The following MGA variants were observed in gnomAD, a reference collection of about 807,000 sequenced individuals.
MGA encodes the protein MAX gene-associated protein.
Under a neutral mutation model 261.1 loss-of-function variants are expected in MGA, and 40 were observed. That is an observed-to-expected ratio of 0.15 (90% CI 0.12 to 0.20). The LOEUF (loss-of-function observed/expected upper bound fraction) is 0.20, where lower values mean the gene tolerates loss of function less well. MGA is among the 10% of genes least tolerant of loss of function. The probability of loss-of-function intolerance (pLI) is 1.00; values close to 1 mark genes in which losing one functional copy is unlikely to be tolerated. For synonymous variants in MGA, 1,302 were observed against 1,290.6 expected, an observed-to-expected ratio of 1.01 and a Z score of -0.19; for missense variants, 3,397 against 3,630.5, an observed-to-expected ratio of 0.94 and a Z score of 1.65.
At chr15:41,706,965 T>C (rs2151435697) in intron 5 of MGA, among the ~76,000 whole-genome samples, 2 of 152,282 alleles carry the variant, frequency 1.3e-5, no homozygotes, top group East Asian at 3.9e-4. Flanking sequence ...TCTTAACCTA[T>C]AAATAAGGAA....
In MGA at chr15:41,699,058, G is replaced by T. The variant is rs915709037; in HGVS notation, c.2093-6G>T. The T allele has an allele frequency of 1.9e-6, 3 of 1,607,060 alleles. No individual in the cohort carries two copies. Among genetic ancestry groups the T allele is most frequent in the Admixed American group, 1.7e-5 (1 of 59,172 alleles). On this transcript the variant is annotated splice_polypyrimidine_tract_variant and splice_region_variant and intron_variant, in intron 4 of 23. Transcript: ENST00000219905. ...CTTATTTTATTACTATTTATTTTGG[G>T]TGTAGGTTACAGAGCAAGAATTTCC...
intron 2 of MGA, among the ~76,000 whole-genome samples, chr15:41,686,742 G>GT (rs2058991452): frequency 6.6e-6 from 1 of 151,996 alleles, no homozygotes; most frequent in Non-Finnish European, 1.5e-5. Flanking sequence ...AATACCATAT[G>GT]TTTTTTCTCC....
intron 2 of MGA, 65 bp from the exon 3 acceptor site, chr15:41,696,008 TTC>T: frequency 1.7e-6 from 2 of 1,176,946 alleles, no homozygotes; most frequent in African/African-American, 1.5e-5. Flanking sequence ...TTTTTTTTTT[TTC>T]TCTTCAAGTC....
At chr15:41,673,240 CAG>C (rs1281403825) in intron 2 of MGA, among the ~76,000 whole-genome samples, 10 of 151,626 alleles carry the variant, frequency 6.6e-5, no homozygotes, top group Non-Finnish European at 1.2e-4. Context: ...TTTTTTGAGA[CAG>C]AGTCTTGCCC....
At position 41,767,516 on chromosome 15, in the gene MGA, C is replaced by G. The variant is rs2063861096; in HGVS notation, c.*236C>G. The stretch of plus-strand genomic sequence containing the variant: ...GTGGTGCTGGGTCCCCTCATCCTCT[C>G]TAAGAAGATGTGATCCATTACTGAA... On this transcript the variant is annotated 3_prime_UTR_variant, in exon 24 of 24. Coordinates refer to ENST00000219905, the MANE Select transcript of MGA (RefSeq NM_001164273.2). 4 of 545,944 alleles carry G rather than the reference C, an allele frequency of 7.3e-6. No homozygotes were observed. The East Asian group carries it at 8.9e-5, about 12-fold the overall frequency. 33.8% of individuals were successfully genotyped at this position (545,944 alleles called of 1,614,324 possible). A position where few individuals can be genotyped will look rare whatever the true frequency, so the allele number is the denominator to read the frequency against.
chr15:41,713,436 G>C lies in MGA; in HGVS notation c.3370G>C (p.Gly1124Arg), dbSNP rs373831853. ...AGAGGAGGCAAGGGAGGAGGAAGAA[G>C]GAATCAGGGAGGAGGAGGAACAATT... The change falls in exon 9 of 24, where the codon GGA (glycine) becomes CGA (arginine). Residue 1124 changes from glycine (G) to arginine (R), a missense_variant. Gly to Arg is a moderately radical substitution (Grantham distance 125, BLOSUM62 -2). This residue lies in a region of MGA where 519 missense variants were observed against 554.1 expected (regional missense o/e 0.94). Coordinates refer to ENST00000219905, the MANE Select transcript of MGA (RefSeq NM_001164273.2). The C allele has an allele frequency of 3.8e-6, 6 of 1,569,166 alleles. No homozygotes were observed. In the African/African-American group the frequency reaches 8.1e-5, roughly 21 times the overall value.
chr15:41,683,419 A>T (rs2058778004), intron 2 of MGA, among the ~76,000 whole-genome samples: 1 of 151,918 alleles, frequency 6.6e-6, no homozygotes, highest in Non-Finnish European at 1.5e-5. Context: ...TTTTGTAGAT[A>T]CAAGGTCTCA....
In MGA at chr15:41,749,534, A is replaced by C; in HGVS notation, c.5927A>C (p.Asp1976Ala). Reference sequence around the variant, plus strand: ...ATGAAGAGAGAATCTCAGAATCCAGACCAGAAAGATGAAACAAACTCAATA... The same window carrying C: ...ATGAAGAGAGAATCTCAGAATCCAGCCCAGAAAGATGAAACAAACTCAATA... Residue 1976 changes from aspartate to alanine, a missense_variant, in exon 17 of 24, where the codon GAC (aspartate) becomes GCC (alanine). By Grantham distance (126) the Asp-to-Ala change is moderately radical. Around this residue, in one of 9 missense-constraint regions of MGA, gnomAD observed 1,410 missense variants for 1,386.4 expected, o/e 1.02. Transcript: ENST00000219905. 1 of 1,613,928 alleles carries C rather than the reference A, an allele frequency of 6.2e-7. No individual in the cohort carries two copies. The highest frequency in any genetic ancestry group is 2.2e-5 in the East Asian group (1 of 44,876).
At chr15:41,651,112 A>G (rs1161950504) in intron 1 of MGA, among the ~76,000 whole-genome samples, 1 of 152,000 alleles carries the variant, frequency 6.6e-6, no homozygotes. Flanking sequence ...CTTTATAACA[A>G]CCCACTCTTG....
At chr15:41,678,740 C>CTA (rs996237099) in intron 2 of MGA, among the ~76,000 whole-genome samples, 2 of 149,264 alleles carry the variant, frequency 1.3e-5, no homozygotes, top group African/African-American at 4.9e-5. Context: ...GTCCTCCAGC[C>CTA]TGGGCAGCAG....
rs755286142 is a variant in MGA, at chr15:41,748,780, C to G, written c.5356C>G (p.Arg1786Gly). 6.2e-7 allele frequency: 1 copy of G among 1,613,904 alleles called. No homozygotes were observed. Among genetic ancestry groups the G allele is most frequent in the Non-Finnish European group, 8.5e-7 (1 of 1,179,874 alleles). The change falls in exon 16 of 24, where the codon CGG becomes GGG. Residue 1786 changes from arginine (R) to glycine (G), a missense_variant. By Grantham distance (125) the Arg-to-Gly change is moderately radical. Around this residue, in one of 9 missense-constraint regions of MGA, gnomAD observed 1,410 missense variants for 1,386.4 expected, o/e 1.02. Coordinates refer to ENST00000219905, the MANE Select transcript of MGA (RefSeq NM_001164273.2). ...CTCAAACACACAACTTCAGGGACATCGGATGGTCTTGCAGCCTGTTAGGAG... is the reference window on the plus strand; with the variant it reads ...CTCAAACACACAACTTCAGGGACATGGGATGGTCTTGCAGCCTGTTAGGAG...
At chr15:41,649,895 G>A (rs1232987858) in intron 1 of MGA, among the ~76,000 whole-genome samples, 1 of 152,156 alleles carries the variant, frequency 6.6e-6, no homozygotes, top group Admixed American at 6.5e-5. Context: ...TGGCCAGGCT[G>A]GTGTCGAACT....
At chr15:41,629,254 T>A (rs972239405) in intron 1 of MGA, among the ~76,000 whole-genome samples, 3 of 152,066 alleles carry the variant, frequency 2.0e-5, no homozygotes, top group Non-Finnish European at 2.9e-5. Flanking sequence ...GCTGATAGAT[T>A]AGCTGTGGGA....
At chr15:41,687,470 T>C (rs1415684181) in intron 2 of MGA, among the ~76,000 whole-genome samples, 3 of 152,192 alleles carry the variant, frequency 2.0e-5, no homozygotes, top group Non-Finnish European at 4.4e-5. Flanking sequence ...AGAGACTGTA[T>C]GGAATGCAAA....
chr15:41,633,032 A>C (rs1197846780), intron 1 of MGA, among the ~76,000 whole-genome samples: 3 of 151,768 alleles, frequency 2.0e-5, no homozygotes, highest in African/African-American at 7.3e-5. Flanking sequence ...GCTCACTGCA[A>C]CCTCTGCCTC....
At position 41,669,573 on chromosome 15, in the gene MGA, A is replaced by G. The variant is rs763974066; in HGVS notation, c.679A>G (p.Thr227Ala). The change falls in exon 2 of 24, where the codon ACC (threonine) becomes GCC (alanine). Residue 227 changes from threonine (T) to alanine (A), a missense_variant. Around this residue, in one of 9 missense-constraint regions of MGA, gnomAD observed 104 missense variants for 212.9 expected, o/e 0.49. Coordinates refer to ENST00000219905, the MANE Select transcript of MGA (RefSeq NM_001164273.2). ...AAATGGCCCTGGTGTCCACACTTTT[A>G]CCTTCCCACAGACTGAATTCTTTGC... 6.2e-7 allele frequency: 1 copy of G among 1,613,972 alleles called. No individual in the cohort carries two copies. Among genetic ancestry groups the G allele is most frequent in the South Asian group, 1.1e-5 (1 of 91,082 alleles).
rs148601874 is a variant in MGA, at chr15:41,705,036, A to G, written c.2189-2692A>G. Among the ~76,000 whole-genome samples, 390 of 152,342 alleles carry G rather than the reference A, an allele frequency of 2.6e-3. 4 individuals carry two copies. Among genetic ancestry groups the G allele is most frequent in the African/African-American group, 9.1e-3 (377 of 41,576 alleles). On this transcript the variant is annotated intron_variant, in intron 5 of 23. Coordinates refer to ENST00000219905, the MANE Select transcript of MGA (RefSeq NM_001164273.2). ...GTTCTAAGTAGGCTCTGGTTGAATA[A>G]AAATATAAAAAGATAATAGGTTTTT...
intron 8 of MGA, among the ~76,000 whole-genome samples, chr15:41,711,690 T>C (rs954183793): frequency 3.3e-5 from 5 of 152,102 alleles, no homozygotes; most frequent in Non-Finnish European, 7.4e-5. Context: ...ACTTTGAAAA[T>C]TGTGCTTTTA....
At chr15:41,723,138 C>A (rs1051760291) in intron 9 of MGA, among the ~76,000 whole-genome samples, 1 of 152,162 alleles carries the variant, frequency 6.6e-6, no homozygotes, top group Non-Finnish European at 1.5e-5. Context: ...TCAGCTTCTC[C>A]CCTTAATTCC....
Sources: allele counts gnomAD v4.1 joint callset (sites outside exome capture counted in the v4.1 genomes callset), GRCh38; gene constraint gnomAD v4.1.1; regional missense constraint gnomAD v4.1.1; transcripts MANE v1.5; gene names NCBI Gene and HGNC (gene_info 2026-07-23, HGNC 2026-07-21).